GOLT1B: variants seen among roughly 807,000 people sequenced by gnomAD.
GOLT1B encodes the protein vesicle transport protein GOT1B.
In GOLT1B, 3 loss-of-function variants were observed where a neutral mutation model predicts 15.4. The observed-to-expected ratio is 0.19, with a 90% CI of 0.09 to 0.50. The LOEUF is 0.50. GOLT1B is among the 20% of genes least tolerant of loss of function. GOLT1B has a pLI of 0.97. For missense variants in GOLT1B, 145 were observed against 160.4 expected, an observed-to-expected ratio of 0.90 and a Z score of 0.52; for synonymous variants, 65 against 56.2, an observed-to-expected ratio of 1.16 and a Z score of -0.70.
At chr12:21,504,825 T>A (rs1705065257) in intron 1 of GOLT1B, among the ~76,000 whole-genome samples, 1 of 152,240 alleles carries the variant, frequency 6.6e-6, no homozygotes, top group Admixed American at 6.5e-5. Context: ...ATAGTTCTAC[T>A]TGGCTATGTT....
intron 1 of GOLT1B, chr12:21,504,581 G>A (rs950634032): frequency 2.0e-5 from 10 of 508,900 alleles, no homozygotes; most frequent in Non-Finnish European, 3.9e-5. Context: ...TTCACAGACT[G>A]TTGTACCTGC....
Position 21,508,208 on chromosome 12 carries a change from A to G in GOLT1B, c.118-175A>G, listed in dbSNP as rs879060228. On this transcript the variant is annotated intron_variant, in intron 2 of 4. Transcript: ENST00000229314. ...CAAAGCTACAACTTTAAAATGCATA[A>G]CCCACTCCTTGGTTCTGCTGCTTGG... The G allele has an allele frequency of 4.8e-5, 28 of 580,170 alleles. No homozygotes were observed. In the South Asian group the frequency reaches 5.5e-4, roughly 11 times the overall value. 35.9% of individuals were successfully genotyped at this position (580,170 alleles called of 1,614,324 possible). A position where few individuals can be genotyped will look rare whatever the true frequency, so the allele number is the denominator to read the frequency against.
At chr12:21,510,659 C>A (rs1943712990) in intron 3 of GOLT1B, among the ~76,000 whole-genome samples, 1 of 152,028 alleles carries the variant, frequency 6.6e-6, no homozygotes, top group South Asian at 2.1e-4. Flanking sequence ...TGTTTTAAAA[C>A]AATACTTAAA....
rs761565740 is a variant in GOLT1B at position 21,506,866 on chromosome 12, C to T, written c.26-19C>T. 9.5e-7 allele frequency: 1 copy of T among 1,057,986 alleles called. No individual in the cohort carries two copies. The highest frequency in any genetic ancestry group is 1.5e-6 in the Non-Finnish European group (1 of 683,996). The allele number at this position is 1,057,986 out of a possible 1,614,324, so 65.5% of individuals were successfully genotyped here. A position where few individuals can be genotyped will look rare whatever the true frequency, so the allele number is the denominator to read the frequency against. On this transcript the variant is annotated intron_variant, in intron 1 of 4. Coordinates refer to ENST00000229314, the MANE Select transcript of GOLT1B (RefSeq NM_016072.5). ...ACTTTAATTTTTCTCTACCCTTAAC[C>T]ATATACCTTATATTGCAGAAATTGG...
chr12:21,504,395 C>A (rs1444296080), intron 1 of GOLT1B, among the ~76,000 whole-genome samples: 1 of 152,160 alleles, frequency 6.6e-6, no homozygotes, highest in African/African-American at 2.4e-5. Flanking sequence ...AGACTTTTGA[C>A]CAGTGTGGAT....
Position 21,515,696 on chromosome 12 carries a change from A to G in GOLT1B, c.406A>G (p.Asn136Asp). Residue 136 changes from asparagine to aspartate, a missense_variant, in exon 5 of 5, where the codon AAT becomes GAT. Transcript: ENST00000229314. ...SFVDKVGESN[N>D]MV is the part of the protein sequence containing the mutation. ...TGTAGATAAAGTTGGAGAAAGCAAC[A>G]ATATGGTATAACAACAAGTGAATTT... The G allele has an allele frequency of 7.4e-7, 1 of 1,350,276 alleles. No homozygotes were observed. Among genetic ancestry groups the G allele is most frequent in the Non-Finnish European group, 1.1e-6 (1 of 949,914 alleles). 83.6% of individuals were successfully genotyped at this position (1,350,276 alleles called of 1,614,324 possible).
At chr12:21,509,948 T>TA in intron 3 of GOLT1B, among the ~76,000 whole-genome samples, 1 of 152,286 alleles carries the variant, frequency 6.6e-6, no homozygotes, top group Middle Eastern at 3.4e-3. Context: ...AAGTATACCT[T>TA]ATCCTGTAAC....
Position 21,516,883 on chromosome 12 carries a change from CT to C in GOLT1B, c.*1177del, listed in dbSNP as rs1369357950. 2 of 152,194 alleles carry C rather than the reference CT, an allele frequency of 1.3e-5. No homozygotes were observed. The highest frequency in any genetic ancestry group is 2.9e-5 in the Non-Finnish European group (2 of 67,858). The allele number at this position is 152,194 out of a possible 1,614,324, so 9.4% of individuals were successfully genotyped here. ...AAGTCATTTCACTGTAATAAACTGA[CT>C]GTGGTTTCTTAAGAACATGACACTA... On this transcript the variant is annotated 3_prime_UTR_variant, in exon 5 of 5. Coordinates refer to ENST00000229314, the MANE Select transcript of GOLT1B (RefSeq NM_016072.5).
intron 1 of GOLT1B, among the ~76,000 whole-genome samples, chr12:21,502,852 C>G (rs1591759318): frequency 6.6e-6 from 1 of 152,208 alleles, no homozygotes; most frequent in Admixed American, 6.5e-5. Context: ...CCACGCCTTT[C>G]ATTTCACTCC....
chr12:21,506,347 A>T (rs1943678530), intron 1 of GOLT1B, among the ~76,000 whole-genome samples: 1 of 152,038 alleles, frequency 6.6e-6, no homozygotes, highest in Admixed American at 6.5e-5. Context: ...TTTTCGAAAT[A>T]TTTCTTGTTG....
chr12:21,507,459 G>A (rs1943687056), intron 2 of GOLT1B, among the ~76,000 whole-genome samples: 1 of 151,886 alleles, frequency 6.6e-6, no homozygotes, highest in African/African-American at 2.4e-5. Context: ...ATTCATGTGT[G>A]GAGGTTATGA....
In GOLT1B at chr12:21,515,866, A is replaced by G. The variant is rs113101644; in HGVS notation, c.*159A>G. The G allele has an allele frequency of 1.4e-4, 71 of 492,558 alleles. No homozygotes were observed. Among genetic ancestry groups the G allele is most frequent in the African/African-American group, 1.4e-3 (67 of 49,388 alleles). The allele number at this position is 492,558 out of a possible 1,614,324, so 30.5% of individuals were successfully genotyped here. On this transcript the variant is annotated 3_prime_UTR_variant, in exon 5 of 5. Coordinates refer to ENST00000229314, the MANE Select transcript of GOLT1B (RefSeq NM_016072.5). Reference sequence around the variant, plus strand: ...CAAAGTACCAGCAGCAAATTAGCAAAGAAGCAGTGAAAACAGGCTTCTACT... The same window carrying G: ...CAAAGTACCAGCAGCAAATTAGCAAGGAAGCAGTGAAAACAGGCTTCTACT...
chr12:21,513,632 CA>C (rs370384175), intron 4 of GOLT1B, among the ~76,000 whole-genome samples: 26 of 143,024 alleles, frequency 1.8e-4, no homozygotes, highest in Admixed American at 2.8e-4. Flanking sequence ...ATTTAATTGT[CA>C]AAAAAAAAAG....
At chr12:21,506,648 T>A (rs10841836) in intron 1 of GOLT1B, among the ~76,000 whole-genome samples, 67,968 of 151,842 alleles carry the variant, frequency 0.45, 15,845 homozygotes, top group East Asian at 0.67. Flanking sequence ...GTCTGAGAAA[T>A]GCTATCTCCC....
rs145307764 is a variant in GOLT1B, at chr12:21,509,291, C to T, written c.296+730C>T. On this transcript the variant is annotated intron_variant, in intron 3 of 4. Transcript: ENST00000229314. ...GCAGGCGCCTGTAATCCTAGCTACT[C>T]GGGAGGCTGAGGCAGGCGAATTGTT... is the stretch of plus-strand genomic sequence containing the variant. Among the ~76,000 whole-genome samples the T allele has an allele frequency of 7.4e-3, 1,098 of 148,614 alleles. 11 individuals are homozygous for T. Among genetic ancestry groups the T allele is most frequent in the African/African-American group, 0.026 (1,040 of 40,186 alleles).
At chr12:21,510,488 G>T (rs1412102052) in intron 3 of GOLT1B, among the ~76,000 whole-genome samples, 1 of 152,176 alleles carries the variant, frequency 6.6e-6, no homozygotes, top group African/African-American at 2.4e-5. Flanking sequence ...CACAGGTTTC[G>T]TGGTTTAGAG....
Position 21,501,954 on chromosome 12 carries a change from C to G in GOLT1B, c.25+6C>G. 1 of 1,603,548 alleles carries G rather than the reference C, an allele frequency of 6.2e-7. No homozygotes were observed. The highest frequency in any genetic ancestry group is 8.5e-7 in the Non-Finnish European group (1 of 1,170,650). ...CTCCTTAACGGACACGCAGAGTAAG[C>G]ACCTGCTCCGGGGCCCCCGCCTCGA... On this transcript the variant is annotated splice_donor_region_variant and intron_variant, in intron 1 of 4. Transcript: ENST00000229314.
rs549420247 is a variant in GOLT1B, at chr12:21,508,524, A to G, written c.259A>G (p.Met87Val). 2 of 1,586,642 alleles carry G rather than the reference A, an allele frequency of 1.3e-6. No individual in the cohort carries two copies. Among genetic ancestry groups the G allele is most frequent in the Non-Finnish European group, 1.7e-6 (2 of 1,157,508 alleles). ...VVLIGWPLIGMIFEIYGFFLL... is the reference protein window; with the variant it reads ...VVLIGWPLIGVIFEIYGFFLL... ...CCTTATTGGTTGGCCTTTGATAGGC[A>G]TGATCTTCGAAATTTATGGATTTTT... Residue 87 changes from methionine (M) to valine (V), a missense_variant, in exon 3 of 5, where the codon ATG becomes GTG. By Grantham distance (21) the Met-to-Val change is conservative. Coordinates refer to ENST00000229314, the MANE Select transcript of GOLT1B (RefSeq NM_016072.5).
chr12:21,509,503 C>T (rs950653053), intron 3 of GOLT1B, among the ~76,000 whole-genome samples: 2 of 151,424 alleles, frequency 1.3e-5, no homozygotes, highest in African/African-American at 2.4e-5. Context: ...TTCTGTCTGC[C>T]AGGCACTGTA....
Sources: gnomAD v4.1 joint callset for allele counts (sites outside exome capture counted in the v4.1 genomes callset) on GRCh38, gnomAD v4.1.1 for gene constraint, MANE v1.5 for transcripts, NCBI Gene and HGNC (gene_info 2026-07-23, HGNC 2026-07-21) for gene names.